SORBS2: variants seen among roughly 807,000 people sequenced by gnomAD.
The protein encoded by SORBS2 is sorbin and SH3 domain containing 2, also known as sorbin and SH3 domain-containing protein 2.
SORBS2 carries 46 observed loss-of-function variants against 97.7 expected under a neutral mutation model. The ratio of observed to expected loss-of-function variants is 0.47; its 90% CI spans 0.37 to 0.60. The LOEUF (loss-of-function observed/expected upper bound fraction) is 0.60, where lower values mean the gene tolerates loss of function less well. Among genes scored for constraint, SORBS2 ranks in the 20% least tolerant of loss-of-function variants. The probability of loss-of-function intolerance (pLI) is 0.00; values close to 1 mark genes in which losing one functional copy is unlikely to be tolerated. For missense variants in SORBS2, 1,316 were observed against 1,282.3 expected, an observed-to-expected ratio of 1.03 and a Z score of -0.40; for synonymous variants, 476 against 473.4, an observed-to-expected ratio of 1.01 and a Z score of -0.07.
intron 1 of SORBS2, among the ~76,000 whole-genome samples, chr4:185,654,752 C>G (rs916024399): frequency 6.6e-6 from 1 of 152,190 alleles, no homozygotes; most frequent in Non-Finnish European, 1.5e-5. Context: ...AGGAAGTTTA[C>G]TTTTGTACGT....
At chr4:185,887,746 A>G (rs2099240383) in intron 1 of SORBS2, among the ~76,000 whole-genome samples, 1 of 152,142 alleles carries the variant, frequency 6.6e-6, no homozygotes, top group South Asian at 2.1e-4. Flanking sequence ...TTCTTCAATT[A>G]TTTGTAATTA....
At chr4:185,803,250 A>G (rs773860471) in intron 1 of SORBS2, among the ~76,000 whole-genome samples, 16 of 152,332 alleles carry the variant, frequency 1.1e-4, no homozygotes, top group Middle Eastern at 3.4e-3. Flanking sequence ...AACATTCCCC[A>G]GGAAACATAA....
At chr4:185,634,672 T>G (rs369298364) in intron 4 of SORBS2, among the ~76,000 whole-genome samples, 40 of 152,158 alleles carry the variant, frequency 2.6e-4, no homozygotes, top group African/African-American at 9.2e-4. Flanking sequence ...AAATATACAT[T>G]GGCTGCCATA....
intron 1 of SORBS2, among the ~76,000 whole-genome samples, chr4:185,885,004 G>A (rs539517411): frequency 6.0e-4 from 91 of 152,186 alleles, no homozygotes; most frequent in African/African-American, 2.1e-3. Context: ...TGTACGCAGC[G>A]GCTCCTCCAC....
chr4:185,590,376 T>G (rs1255678689), intron 13 of SORBS2, among the ~76,000 whole-genome samples: 1 of 152,212 alleles, frequency 6.6e-6, no homozygotes, highest in Non-Finnish European at 1.5e-5. Context: ...AGAGGAATTC[T>G]TTAGATCAGT....
In SORBS2 at chr4:185,730,969, T is replaced by A. The variant is rs189058162; in HGVS notation, c.-198+44258A>T. On this transcript the variant is annotated intron_variant, in intron 2 of 20. Transcript: ENST00000284776. ...ACCAATGGTATCTATTTGAGCATTT[T>A]CCTCATGGACACCATTCAACAGAAT... Among the ~76,000 whole-genome samples the A allele has an allele frequency of 4.6e-5, 7 of 152,312 alleles. No individual in the cohort carries two copies. In the East Asian group the frequency reaches 1.3e-3, roughly 29 times the overall value.
intron 1 of SORBS2, 127 bp from the exon 10 acceptor site, chr4:185,652,855 C>CTT (rs1199341406): frequency 1.4e-6 from 1 of 734,234 alleles, no homozygotes; most frequent in African/African-American, 1.7e-5. Flanking sequence ...TGTTCTGACT[C>CTT]TTTGCTATGG....
At chr4:185,609,325 C>T (rs144592938) in intron 12 of SORBS2, among the ~76,000 whole-genome samples, 795 of 152,152 alleles carry the variant, frequency 5.2e-3, no homozygotes, top group Middle Eastern at 0.01. Context: ...AATTTCAGAC[C>T]ATCAGGTTTC....
Position 185,684,841 on chromosome 4 carries a change from C to A in SORBS2, c.-197-6019G>T, listed in dbSNP as rs560367986. On this transcript the variant is annotated intron_variant, in intron 2 of 20. Coordinates refer to the SORBS2 transcript ENST00000284776. The surrounding 1 kb of genome is among the most constrained non-coding windows in gnomAD (Gnocchi z 4.2). The stretch of plus-strand genomic sequence containing the variant: ...GCGGCACGTTTGCGAGCACACCCAC[C>A]GCTATCTGGAAGCAAAAAAATGATA... 1.9e-6 allele frequency: 3 copies of A among 1,551,708 alleles called. No homozygotes were observed. The highest frequency in any genetic ancestry group is 2.0e-5 in the Admixed American group (1 of 50,992).
At chr4:185,951,769 C>A (rs1579648709) in intron 1 of SORBS2, among the ~76,000 whole-genome samples, 1 of 152,194 alleles carries the variant, frequency 6.6e-6, no homozygotes, top group Admixed American at 6.5e-5. Context: ...CCTTTCCCAT[C>A]GGGTAACTTA....
At chr4:185,618,471 G>A (rs943780693) in intron 9 of SORBS2, 114 bp downstream of exon 21, 1 of 498,566 alleles carries the variant, frequency 2.0e-6, no homozygotes, top group Non-Finnish European at 3.6e-6. Context: ...GTAGATTGCT[G>A]CATTGGGAAT....
chr4:185,828,869 A>G (rs535926172), intron 1 of SORBS2, among the ~76,000 whole-genome samples: 16 of 152,252 alleles, frequency 1.1e-4, no homozygotes, highest in Admixed American at 3.9e-4. Context: ...GGAGGCAACT[A>G]CAGTTTCAAG....
chr4:185,893,960 A>C (rs2099243761), intron 1 of SORBS2, among the ~76,000 whole-genome samples: 2 of 152,124 alleles, frequency 1.3e-5, no homozygotes, highest in South Asian at 4.1e-4. Flanking sequence ...TGAGGAAGAC[A>C]AGGGTGCCTC....
At chr4:185,799,042 G>A (rs73873386) in intron 1 of SORBS2, among the ~76,000 whole-genome samples, 8,121 of 152,158 alleles carry the variant, frequency 0.053, 396 homozygotes, top group African/African-American at 0.13. Flanking sequence ...TAAATGTACT[G>A]ACATCAATTT....
At chr4:185,952,066 C>G (rs547055090) in intron 1 of SORBS2, among the ~76,000 whole-genome samples, 3 of 150,278 alleles carry the variant, frequency 2.0e-5, no homozygotes, top group African/African-American at 7.3e-5. Context: ...CACTCTGTCG[C>G]CAGGCTGGAG....
chr4:185,625,142 C>A (rs151222546), intron 6 of SORBS2, among the ~76,000 whole-genome samples: 1 of 152,148 alleles, frequency 6.6e-6, no homozygotes, highest in Non-Finnish European at 1.5e-5. Context: ...TTTAAACAAA[C>A]GAATTTACCT....
At chr4:185,902,336 A>G (rs954635564) in intron 1 of SORBS2, among the ~76,000 whole-genome samples, 1 of 152,158 alleles carries the variant, frequency 6.6e-6, no homozygotes, top group Non-Finnish European at 1.5e-5. Context: ...ATTAATTAAA[A>G]TATTAGAGGC....
intron 4 of SORBS2, chr4:185,665,619 T>C (rs755501858): frequency 2.3e-5 from 7 of 307,244 alleles, no homozygotes; most frequent in Non-Finnish European, 3.3e-5. Context: ...TGGCATAGAA[T>C]TGGTTTGGGA....
chr4:185,884,183 A>C (rs2099238217), intron 1 of SORBS2, among the ~76,000 whole-genome samples: 1 of 152,366 alleles, frequency 6.6e-6, no homozygotes, highest in Non-Finnish European at 1.5e-5. Context: ...TTTATTGTAC[A>C]TAAATTATAC....
Sources: allele counts gnomAD v4.1 joint callset (sites outside exome capture counted in the v4.1 genomes callset), GRCh38; gene constraint gnomAD v4.1.1; non-coding constraint Gnocchi (gnomAD v3.1); transcripts MANE v1.5; gene names NCBI Gene and HGNC (gene_info 2026-07-23, HGNC 2026-07-21).